Variants in EPHA6 observed in about 807,000 individuals in gnomAD.
EPHA6 encodes the protein ephrin type-A receptor 6.
In EPHA6, 50 loss-of-function variants were observed where a neutral mutation model predicts 112.0. The observed-to-expected ratio is 0.45, with a 90% CI of 0.36 to 0.56. The LOEUF (loss-of-function observed/expected upper bound fraction) is 0.56. Among genes scored for constraint, EPHA6 ranks in the 20% least tolerant of loss-of-function variants. The pLI, the probability that EPHA6 is intolerant of heterozygous loss-of-function variation, is 0.00. For synonymous variants in EPHA6, 529 were observed against 490.7 expected (o/e 1.08, Z -1.03); for missense variants, 1,280 against 1,417.4 (o/e 0.90, Z 1.56).
intron 6 of EPHA6, among the ~76,000 whole-genome samples, chr3:97,414,276 T>C (rs2087947094): frequency 6.6e-6 from 1 of 152,050 alleles, no homozygotes; most frequent in South Asian, 2.1e-4. Context: ...AAGGCATGGC[T>C]AAACACTGAG....
At chr3:96,902,503 T>C (rs1428864001) in intron 2 of EPHA6, among the ~76,000 whole-genome samples, 2 of 152,106 alleles carry the variant, frequency 1.3e-5, no homozygotes, top group African/African-American at 4.8e-5. Flanking sequence ...TTACTGACTT[T>C]CCATATTTCA....
intron 3 of EPHA6, among the ~76,000 whole-genome samples, chr3:97,043,557 G>C (rs2045395781): frequency 6.6e-6 from 1 of 152,138 alleles, no homozygotes; most frequent in African/African-American, 2.4e-5. Flanking sequence ...AGAAGCAGCA[G>C]TGTTGTGGAC....
At chr3:97,458,242 G>T (rs751109174) in intron 7 of EPHA6, among the ~76,000 whole-genome samples, 1 of 151,930 alleles carries the variant, frequency 6.6e-6, no homozygotes, top group Non-Finnish European at 1.5e-5. Context: ...CATGACATGT[G>T]TGAGCACATT....
chr3:96,971,630 A>C (rs1320682530), intron 2 of EPHA6, among the ~76,000 whole-genome samples: 1 of 152,148 alleles, frequency 6.6e-6, no homozygotes, highest in East Asian at 1.9e-4. Flanking sequence ...GAATAAGAAG[A>C]CTTCTTTAAC....
At chr3:97,474,598 A>G (rs1416918168) in intron 7 of EPHA6, among the ~76,000 whole-genome samples, 1 of 151,954 alleles carries the variant, frequency 6.6e-6, no homozygotes, top group Non-Finnish European at 1.5e-5. Flanking sequence ...TGATTAAAGC[A>G]TTATTAATAT....
intron 3 of EPHA6, among the ~76,000 whole-genome samples, chr3:97,166,858 G>C (rs933288221): frequency 1.3e-5 from 2 of 152,056 alleles, no homozygotes; most frequent in Non-Finnish European, 2.9e-5. Context: ...TTCTGTTCAG[G>C]GAAACAGGGA....
chr3:96,829,338 G>T (rs528665251), intron 1 of EPHA6, among the ~76,000 whole-genome samples: 58 of 152,114 alleles, frequency 3.8e-4, no homozygotes, highest in Non-Finnish European at 7.4e-4. Flanking sequence ...TACAGATGAG[G>T]AAACTGAAGC....
chr3:96,967,653 C>G (rs2042172972), intron 2 of EPHA6, among the ~76,000 whole-genome samples: 1 of 151,364 alleles, frequency 6.6e-6, no homozygotes, highest in Non-Finnish European at 1.5e-5. Context: ...TAGTTGTTAT[C>G]TTTTTAACAA....
chr3:96,975,954 A>G (rs769035152), intron 2 of EPHA6, among the ~76,000 whole-genome samples: 9 of 152,182 alleles, frequency 5.9e-5, no homozygotes, highest in Non-Finnish European at 7.4e-5. Flanking sequence ...CTTAAAAAGC[A>G]TACATGTGAT....
chr3:97,509,715 G>A (rs767893417), intron 10 of EPHA6, among the ~76,000 whole-genome samples: 2 of 152,086 alleles, frequency 1.3e-5, no homozygotes, highest in African/African-American at 2.4e-5. Flanking sequence ...TGTATTTCCT[G>A]AATTTGAATT....
intron 6 of EPHA6, among the ~76,000 whole-genome samples, chr3:97,420,858 A>G (rs919765506): frequency 2.0e-5 from 3 of 151,670 alleles, no homozygotes; most frequent in African/African-American, 7.3e-5. Context: ...AAAAAAAAAA[A>G]TAGGGCCAAA....
intron 2 of EPHA6, among the ~76,000 whole-genome samples, chr3:96,930,645 C>G (rs570101013): frequency 1.3e-5 from 2 of 152,038 alleles, no homozygotes; most frequent in African/African-American, 4.8e-5. Flanking sequence ...GCCGGAGACC[C>G]GAACTGGGAG....
chr3:97,579,993 C>A (rs2093422887), intron 11 of EPHA6, among the ~76,000 whole-genome samples: 1 of 152,230 alleles, frequency 6.6e-6, no homozygotes, highest in East Asian at 1.9e-4. Context: ...TTTTCACTTG[C>A]AAATACAAAT....
At chr3:97,476,120 C>T (rs1324659623) in intron 8 of EPHA6, among the ~76,000 whole-genome samples, 1 of 152,050 alleles carries the variant, frequency 6.6e-6, no homozygotes, top group Non-Finnish European at 1.5e-5. Context: ...GCTGATAATA[C>T]AGACGTGAAT....
chr3:97,495,074 G>A (rs969841554), intron 10 of EPHA6, among the ~76,000 whole-genome samples: 3 of 152,110 alleles, frequency 2.0e-5, no homozygotes, highest in African/African-American at 7.2e-5. Flanking sequence ...TCCTGAGTTT[G>A]CATTTGCTTT....
At chr3:97,249,886 G>A (rs1436102332) in intron 5 of EPHA6, among the ~76,000 whole-genome samples, 1 of 152,128 alleles carries the variant, frequency 6.6e-6, no homozygotes, top group African/African-American at 2.4e-5. Context: ...TAGGAATATA[G>A]CAATAAAGAG....
chr3:96,974,346 ATATAAGAATCTGTAAAT>A (rs1348996080), intron 2 of EPHA6, among the ~76,000 whole-genome samples: 1 of 150,252 alleles, frequency 6.7e-6, no homozygotes, highest in Admixed American at 6.6e-5. Flanking sequence ...GAACTCTGAT[ATATAAGAATCTGTAAAT>A]TATATATGTC....
At chr3:96,848,035 A>T (rs974536600) in intron 1 of EPHA6, among the ~76,000 whole-genome samples, 6 of 152,120 alleles carry the variant, frequency 3.9e-5, no homozygotes, top group Non-Finnish European at 8.8e-5. Context: ...TTCATTCTAC[A>T]TAGGCTTGAA....
chr3:97,034,954 G>A (rs899777555), intron 3 of EPHA6, among the ~76,000 whole-genome samples: 5 of 151,812 alleles, frequency 3.3e-5, no homozygotes, highest in African/African-American at 9.7e-5. Flanking sequence ...GAAATAAAAT[G>A]GTAACCATAT....
Sources: gnomAD v4.1 joint callset for allele counts (sites outside exome capture counted in the v4.1 genomes callset) on GRCh38, gnomAD v4.1.1 for gene constraint, MANE v1.5 for transcripts, NCBI Gene and HGNC (gene_info 2026-07-23, HGNC 2026-07-21) for gene names.